The following GRK5 variants were observed in gnomAD, a reference collection of about 807,000 sequenced individuals.
GRK5 encodes g protein-coupled receptor kinase GRK5.
Under a neutral mutation model 78.4 loss-of-function variants are expected in GRK5, and 40 were observed. The observed-to-expected ratio is 0.51, with a 90% CI of 0.40 to 0.66. GRK5 has a LOEUF of 0.66. Among genes scored for constraint, GRK5 ranks in the 30% least tolerant of loss-of-function variants. GRK5 has a pLI of 0.00. For missense variants in GRK5, 598 were observed against 759.9 expected, an observed-to-expected ratio of 0.79 and a Z score of 2.50; for synonymous variants, 289 against 296.8, an observed-to-expected ratio of 0.97 and a Z score of 0.27.
At chr10:119,222,598 C>T (rs1042582116) in intron 1 of GRK5, among the ~76,000 whole-genome samples, 1 of 152,126 alleles carries the variant, frequency 6.6e-6, no homozygotes, top group Non-Finnish European at 1.5e-5. Context: ...TCAGTGGCCC[C>T]TCCTCCTGCT....
intron 13 of GRK5, 122 bp downstream of exon 13, chr10:119,448,382 G>A: frequency 8.7e-7 from 1 of 1,149,224 alleles, no homozygotes. Context: ...GTGGGGACCA[G>A]GGTCCCCTCC....
chr10:119,320,909 C>T (rs983748990), intron 1 of GRK5, among the ~76,000 whole-genome samples: 10 of 152,196 alleles, frequency 6.6e-5, no homozygotes, highest in Non-Finnish European at 1.0e-4. Context: ...CCTAGGGCAG[C>T]GGGGGCCGTA....
At chr10:119,439,853 T>G (rs1109489) in intron 10 of GRK5, 85 bp downstream of exon 10, 39 of 1,354,916 alleles carry the variant, frequency 2.9e-5, no homozygotes, top group Non-Finnish European at 3.9e-5. Context: ...CAGAGAGGGC[T>G]GGGGAAGCTG....
intron 13 of GRK5, among the ~76,000 whole-genome samples, chr10:119,448,928 C>A (rs2058737033): frequency 6.6e-6 from 1 of 152,188 alleles, no homozygotes; most frequent in Non-Finnish European, 1.5e-5. Context: ...GCTGGGTGAT[C>A]TGTGCGGGAT....
intron 2 of GRK5, among the ~76,000 whole-genome samples, chr10:119,369,168 A>G (rs34132011): frequency 0.28 from 42,887 of 152,060 alleles, 6,880 homozygotes; most frequent in African/African-American, 0.45. Context: ...TGGAGATTTG[A>G]TGCAGTCGGT....
chr10:119,377,793 G>A (rs1267084343), intron 2 of GRK5, among the ~76,000 whole-genome samples: 1 of 152,228 alleles, frequency 6.6e-6, no homozygotes, highest in African/African-American at 2.4e-5. Context: ...AAAGGTGGGG[G>A]TAGAGGGGTA....
intron 2 of GRK5, 97 bp from the exon 3 acceptor site, chr10:119,380,718 A>G: frequency 1.4e-6 from 1 of 694,772 alleles, no homozygotes; most frequent in East Asian, 2.5e-5. Context: ...ACCTTCCTCC[A>G]TCCATCTAGG....
At chr10:119,209,487 GTTTTTTTT>G (rs60169912) in intron 1 of GRK5, among the ~76,000 whole-genome samples, 1 of 98,910 alleles carries the variant, frequency 1.0e-5, no homozygotes, top group African/African-American at 3.7e-5. Flanking sequence ...TGTGTGTGTG[GTTTTTTTT>G]TTTTTTTTTT....
At chr10:119,374,363 G>C (rs1851592449) in intron 2 of GRK5, among the ~76,000 whole-genome samples, 1 of 152,194 alleles carries the variant, frequency 6.6e-6, no homozygotes, top group Non-Finnish European at 1.5e-5. Flanking sequence ...CAGGCCTGGG[G>C]TGTGGTATCT....
chr10:119,448,378 A>C, intron 13 of GRK5, 118 bp downstream of exon 13: 1 of 1,181,686 alleles, frequency 8.5e-7, no homozygotes, highest in Non-Finnish European at 1.2e-6. Flanking sequence ...CTTTGTGGGG[A>C]CCAGGGTCCC....
intron 1 of GRK5, among the ~76,000 whole-genome samples, chr10:119,274,676 A>G (rs1471840811): frequency 1.3e-5 from 2 of 152,158 alleles, no homozygotes; most frequent in East Asian, 3.8e-4. Flanking sequence ...GCTGGAGGCA[A>G]AGGGAGTCCA....
chr10:119,208,001 G>A, intron 1 of GRK5, 32 bp downstream of exon 1: 1 of 1,594,008 alleles, frequency 6.3e-7, no homozygotes, highest in Non-Finnish European at 8.5e-7. Context: ...TGCCCGGCGC[G>A]TCCGCCGCGG....
At chr10:119,374,300 A>G (rs1851591687) in intron 2 of GRK5, among the ~76,000 whole-genome samples, 1 of 152,254 alleles carries the variant, frequency 6.6e-6, no homozygotes, top group Non-Finnish European at 1.5e-5. Context: ...AATTGATGGC[A>G]GAGCTGAGAC....
intron 13 of GRK5, among the ~76,000 whole-genome samples, chr10:119,451,147 C>A (rs1323127135): frequency 2.7e-5 from 4 of 146,138 alleles, no homozygotes; most frequent in Admixed American, 6.8e-5. Context: ...GCCAGCCCCC[C>A]ACAGTCATCC....
intron 1 of GRK5, among the ~76,000 whole-genome samples, chr10:119,302,647 A>G (rs1246540921): frequency 6.6e-6 from 1 of 152,200 alleles, no homozygotes; most frequent in Non-Finnish European, 1.5e-5. Context: ...GCCTCAAGCC[A>G]GCCTACCTGG....
At chr10:119,294,630 T>C (rs4752281) in intron 1 of GRK5, among the ~76,000 whole-genome samples, 127,010 of 152,114 alleles carry the variant, frequency 0.83, 53,172 homozygotes, top group East Asian at 0.99. Flanking sequence ...ATTGCTCAGG[T>C]TCGCAGGGCT....
chr10:119,247,107 G>A (rs1239784563), intron 1 of GRK5, among the ~76,000 whole-genome samples: 1 of 152,196 alleles, frequency 6.6e-6, no homozygotes, highest in Non-Finnish European at 1.5e-5. Flanking sequence ...CGGCATCTGA[G>A]TGACTGTCCG....
chr10:119,302,869 C>T (rs558242704), intron 1 of GRK5, among the ~76,000 whole-genome samples: 64 of 152,300 alleles, frequency 4.2e-4, no homozygotes, highest in Admixed American at 4.6e-4. Context: ...ACCAACATCA[C>T]CCTCTGCCCT....
chr10:119,312,009 C>T (rs866922090), intron 1 of GRK5, among the ~76,000 whole-genome samples: 21 of 151,372 alleles, frequency 1.4e-4, no homozygotes, highest in African/African-American at 4.1e-4. Flanking sequence ...CTCCACCTCC[C>T]GGGTTCACGC....
Sources: allele counts gnomAD v4.1 joint callset (sites outside exome capture counted in the v4.1 genomes callset), GRCh38; gene constraint gnomAD v4.1.1; transcripts MANE v1.5; gene names NCBI Gene and HGNC (gene_info 2026-07-23, HGNC 2026-07-21).